The following ZNHIT3 variants were observed in gnomAD, a reference collection of about 807,000 sequenced individuals.
ZNHIT3 encodes the protein zinc finger HIT domain-containing protein 3.
ZNHIT3 carries 27 observed loss-of-function variants against 19.9 expected under a neutral mutation model. The observed-to-expected ratio is 1.36, with a 90% CI of 1.00 to 1.87. The LOEUF (loss-of-function observed/expected upper bound fraction) is 1.87. ZNHIT3 is among the 40% of genes most tolerant of loss of function. ZNHIT3 has a pLI of 0.00. For missense variants in ZNHIT3, 215 were observed against 185.6 expected (o/e 1.16, Z -0.92); for synonymous variants, 81 against 65.7 (o/e 1.23, Z -1.13).
downstream of ZNHIT3, among the ~76,000 whole-genome samples, chr17:36,497,352 C>G (rs560249305): frequency 4.7e-5 from 7 of 150,536 alleles, no homozygotes; most frequent in Non-Finnish European, 1.0e-4. Flanking sequence ...AGAACTTGGA[C>G]CACTGACCCT....
downstream of ZNHIT3, chr17:36,498,920 C>T: frequency 1.6e-6 from 1 of 630,530 alleles, no homozygotes; most frequent in Non-Finnish European, 2.8e-6. Context: ...TGTTACTGTG[C>T]CCACTGCATA....
intron 2 of ZNHIT3, 106 bp downstream of exon 2, chr17:36,487,072 C>G (rs1428162366): frequency 8.9e-6 from 13 of 1,466,144 alleles, no homozygotes; most frequent in Non-Finnish European, 1.2e-5. Flanking sequence ...TCCTTTCCCG[C>G]CTCGGGTCTC....
At chr17:36,493,516 G>C (rs2070773681) in intron 3 of ZNHIT3, among the ~76,000 whole-genome samples, 2 of 152,216 alleles carry the variant, frequency 1.3e-5, no homozygotes, top group South Asian at 2.1e-4. Context: ...AGCAGTTTCT[G>C]CCCATGCTGA....
Position 36,493,908 on chromosome 17 carries a change from CTG to C in ZNHIT3, c.206-16_206-15del, listed in dbSNP as rs748328795. 6.3e-7 allele frequency: 1 copy of C among 1,589,022 alleles called. No homozygotes were observed. Among genetic ancestry groups the C allele is most frequent in the Non-Finnish European group, 8.6e-7 (1 of 1,158,264 alleles). On this transcript the variant is annotated splice_polypyrimidine_tract_variant and intron_variant, in intron 3 of 4. Coordinates refer to ENST00000617429, the MANE Select transcript of ZNHIT3 (RefSeq NM_004773.4). Reference sequence around the variant, plus strand: ...CTCCTTTTTAGCCATGAGCCATTGACTGTTTTGTATTCCTTAGATGATGATGA... The same window carrying C: ...CTCCTTTTTAGCCATGAGCCATTGACTTTTGTATTCCTTAGATGATGATGA...
Position 36,495,550 on chromosome 17 carries a change from G to A in ZNHIT3, c.*146G>A. ...GATTAGGTCATGCAGGCCTTTACCG[G>A]CATTGATGTGGCTCATGTTTCAGGC... On this transcript the variant is annotated 3_prime_UTR_variant, in exon 5 of 5. Coordinates refer to ENST00000617429, the MANE Select transcript of ZNHIT3 (RefSeq NM_004773.4). 7.5e-7 allele frequency: 1 copy of A among 1,329,906 alleles called. No homozygotes were observed. The allele number at this position is 1,329,906 out of a possible 1,614,324, so 82.4% of individuals were successfully genotyped here.
chr17:36,498,276 G>C, downstream of ZNHIT3: 1 of 1,611,474 alleles, frequency 6.2e-7, no homozygotes. Context: ...CTGAGGCAGC[G>C]CTCGGATGGA....
chr17:36,488,942 C>T (rs966795938), intron 2 of ZNHIT3, among the ~76,000 whole-genome samples: 2 of 152,092 alleles, frequency 1.3e-5, no homozygotes, highest in Non-Finnish European at 2.9e-5. Flanking sequence ...AATTTTGTAT[C>T]CATTAAGCAA....
At chr17:36,496,929 T>C (rs1489921448), downstream of ZNHIT3, among the ~76,000 whole-genome samples, 2 of 152,150 alleles carry the variant, frequency 1.3e-5, no homozygotes, top group Non-Finnish European at 2.9e-5. Context: ...TACTTTCACC[T>C]TTCCTCGGCC....
chr17:36,496,143 T>G, downstream of ZNHIT3: 1 of 1,426,822 alleles, frequency 7.0e-7, no homozygotes, highest in Non-Finnish European at 9.7e-7. Context: ...CTGTTGTTCA[T>G]GTGCATTTGG....
chr17:36,487,348 T>C (rs1463500143), intron 2 of ZNHIT3, among the ~76,000 whole-genome samples: 1 of 152,206 alleles, frequency 6.6e-6, no homozygotes, highest in African/African-American at 2.4e-5. Flanking sequence ...TGCGCTAACT[T>C]TAACAGTATT....
At chr17:36,496,585 A>C (rs371779458), downstream of ZNHIT3, among the ~76,000 whole-genome samples, 3 of 152,156 alleles carry the variant, frequency 2.0e-5, no homozygotes, top group Non-Finnish European at 4.4e-5. Context: ...AGGAAACCCT[A>C]GGAGGAGGCG....
intron 3 of ZNHIT3, 110 bp from the exon 4 acceptor site, chr17:36,493,816 C>T: frequency 1.3e-6 from 1 of 744,562 alleles, no homozygotes; most frequent in Non-Finnish European, 2.4e-6. Context: ...ATACCCCTAT[C>T]ACTATCACAT....
At chr17:36,487,008 G>C in intron 2 of ZNHIT3, 42 bp downstream of exon 2, 1 of 1,604,898 alleles carries the variant, frequency 6.2e-7, no homozygotes, top group Non-Finnish European at 8.5e-7. Context: ...CTGCGCACGG[G>C]GCAGCCCCCA....
chr17:36,497,014 T>C (rs1370965115), downstream of ZNHIT3, among the ~76,000 whole-genome samples: 1 of 152,200 alleles, frequency 6.6e-6, no homozygotes, highest in African/African-American at 2.4e-5. Flanking sequence ...CTGAGTGTGC[T>C]GGCTGACTTT....
intron 2 of ZNHIT3, chr17:36,489,858 G>A (rs972100022): frequency 5.9e-5 from 9 of 151,652 alleles, no homozygotes; most frequent in African/African-American, 2.2e-4. Context: ...GACCTCAGGT[G>A]ATCCACCTGC....
downstream of ZNHIT3, chr17:36,496,006 CCTGAT>C: frequency 1.3e-6 from 1 of 779,854 alleles, no homozygotes; most frequent in East Asian, 2.9e-5. Context: ...GAAATGTGGC[CCTGAT>C]GTTTCTTAAC....
chr17:36,495,986 T>A, downstream of ZNHIT3: 1 of 819,278 alleles, frequency 1.2e-6, no homozygotes, highest in Non-Finnish European at 1.7e-6. Context: ...GTTTGATCTG[T>A]GAAGGTAGTG....
At chr17:36,492,676 C>A (rs1052905483) in intron 2 of ZNHIT3, 137 bp from the exon 3 acceptor site, 4 of 730,046 alleles carry the variant, frequency 5.5e-6, no homozygotes, top group East Asian at 2.5e-5. Context: ...TCTCTCACTT[C>A]TTCCACATTC....
At chr17:36,493,029 C>T in intron 3 of ZNHIT3, 130 bp downstream of exon 3, 2 of 875,462 alleles carry the variant, frequency 2.3e-6, no homozygotes, top group Non-Finnish European at 3.7e-6. Context: ...CTTCCTTAGC[C>T]TTGAGCATCA....
Sources: allele counts gnomAD v4.1 joint callset (sites outside exome capture counted in the v4.1 genomes callset), GRCh38; gene constraint gnomAD v4.1.1; transcripts MANE v1.5; gene names NCBI Gene and HGNC (gene_info 2026-07-23, HGNC 2026-07-21).